SCN10A: variants seen among roughly 807,000 people sequenced by gnomAD.
The protein encoded by SCN10A is sodium voltage-gated channel alpha subunit 10.
In SCN10A, 162 loss-of-function variants were observed where a neutral mutation model predicts 170.7. That is an observed-to-expected ratio of 0.95 (90% CI 0.84 to 1.08). SCN10A has a LOEUF of 1.08. Among genes scored for constraint, SCN10A ranks in the 50% least tolerant of loss-of-function variants. SCN10A has a pLI of 0.00. For missense variants in SCN10A, 2,527 were observed against 2,436.9 expected, an observed-to-expected ratio of 1.04 and a Z score of -0.78; for synonymous variants, 985 against 904.6, an observed-to-expected ratio of 1.09 and a Z score of -1.59.
intron 12 of SCN10A, 93 bp from the exon 13 acceptor site, chr3:38,750,277 A>G (rs1470065979): frequency 1.5e-6 from 1 of 654,820 alleles, no homozygotes; most frequent in East Asian, 2.7e-5. Flanking sequence ...CCAATCTCAT[A>G]TATAGTCATA....
At chr3:38,714,112 T>G (rs1269014255) in intron 21 of SCN10A, 32 bp from the exon 22 acceptor site, 1 of 1,608,786 alleles carries the variant, frequency 6.2e-7, no homozygotes, top group African/African-American at 1.3e-5. Context: ...AACATCACTC[T>G]AGGTTTCCAG....
At chr3:38,756,093 G>A in intron 10 of SCN10A, 135 bp from the exon 11 acceptor site, 1 of 909,304 alleles carries the variant, frequency 1.1e-6, no homozygotes, top group South Asian at 1.6e-5. Context: ...GGGTGGTGGT[G>A]GGATTAGGCC....
chr3:38,804,915 A>T (rs2064396270), intron 1 of SCN10A, among the ~76,000 whole-genome samples: 1 of 152,166 alleles, frequency 6.6e-6, no homozygotes, highest in Non-Finnish European at 1.5e-5. Flanking sequence ...AGTGTCATAG[A>T]AACAGCAGAA....
intron 4 of SCN10A, among the ~76,000 whole-genome samples, chr3:38,772,297 C>T (rs1254912687): frequency 7.4e-6 from 1 of 135,278 alleles, no homozygotes; most frequent in Non-Finnish European, 1.6e-5. Context: ...CTTCTAACAC[C>T]AGAAACCAAA....
chr3:38,709,493 A>T lies in SCN10A; in HGVS notation c.4266T>A (p.Asn1422Lys), dbSNP rs1334461772. ...CACCACTTATCTTTTTTTTCTGTTGATTGAAGTTGTCAATTATGACCCCAA... is the reference window on the plus strand; with the variant it reads ...CACCACTTATCTTTTTTTTCTGTTGTTTGAAGTTGTCAATTATGACCCCAA... ...LFVGVIIDNF[N>K]QQKKKLGGQD... The change falls in exon 25 of 28, where the codon AAT becomes AAA. Residue 1422 changes from asparagine (N) to lysine (K), a missense_variant. Asn to Lys is a moderately conservative substitution (Grantham distance 94, BLOSUM62 0). Coordinates refer to ENST00000449082, the MANE Select transcript of SCN10A (RefSeq NM_006514.4). 11 of 1,607,902 alleles carry T rather than the reference A, an allele frequency of 6.8e-6. No individual in the cohort carries two copies. Among genetic ancestry groups the T allele is most frequent in the African/African-American group, 4.0e-5 (3 of 74,334 alleles).
chr3:38,753,605 C>A (rs1159893548), intron 11 of SCN10A, among the ~76,000 whole-genome samples: 1 of 152,074 alleles, frequency 6.6e-6, no homozygotes, highest in Non-Finnish European at 1.5e-5. Context: ...GTAATACATG[C>A]CCAAGGACTA....
chr3:38,735,935 T>C (rs543133113), intron 15 of SCN10A, among the ~76,000 whole-genome samples: 132 of 152,314 alleles, frequency 8.7e-4, no homozygotes, highest in Non-Finnish European at 1.5e-3. Context: ...CAAGAAACTC[T>C]GGTTTTTGCC....
intron 18 of SCN10A, among the ~76,000 whole-genome samples, chr3:38,724,498 C>T (rs1207764586): frequency 2.0e-5 from 3 of 152,190 alleles, no homozygotes; most frequent in Non-Finnish European, 4.4e-5. Context: ...TTGTATAAGA[C>T]AATCCTAAAC....
At chr3:38,771,871 C>T (rs2064004163) in intron 4 of SCN10A, among the ~76,000 whole-genome samples, 1 of 152,180 alleles carries the variant, frequency 6.6e-6, no homozygotes, top group African/African-American at 2.4e-5. Flanking sequence ...AGAAGCAAGC[C>T]AAGCTATGCT....
At chr3:38,717,330 G>T (rs2063343551) in intron 21 of SCN10A, among the ~76,000 whole-genome samples, 1 of 152,204 alleles carries the variant, frequency 6.6e-6, no homozygotes, top group South Asian at 2.1e-4. Flanking sequence ...ATGGTTGGAA[G>T]GAAGAATCAG....
intron 14 of SCN10A, among the ~76,000 whole-genome samples, chr3:38,740,406 C>G (rs560600463): frequency 6.6e-6 from 1 of 152,338 alleles, no homozygotes; most frequent in South Asian, 2.1e-4. Context: ...TCCTTCATAT[C>G]TTTTTATCTG....
At position 38,788,993 on chromosome 3, in the gene SCN10A, C is replaced by G; in HGVS notation, c.433G>C (p.Val145Leu). The G allele has an allele frequency of 6.2e-7, 1 of 1,612,272 alleles. No individual in the cohort carries two copies. The highest frequency in any genetic ancestry group is 8.5e-7 in the Non-Finnish European group (1 of 1,178,596). Residue 145 changes from valine (V) to leucine (L), a missense_variant, in exon 4 of 28, where the codon GTG becomes CTG. Val to Leu is a conservative substitution (Grantham distance 32). Coordinates refer to ENST00000449082, the MANE Select transcript of SCN10A (RefSeq NM_006514.4). Reference protein sequence around the residue: ...FITVTILVNCVCMTRTDLPEK... With the variant: ...FITVTILVNCLCMTRTDLPEK... ...GGAAGGTCAGTTCGGGTCATGCACA[C>G]ACAATTAACCAAAATAGTGACCGTA...
chr3:38,729,269 A>G (rs2063490894), intron 15 of SCN10A, among the ~76,000 whole-genome samples: 1 of 152,120 alleles, frequency 6.6e-6, no homozygotes, highest in Non-Finnish European at 1.5e-5. Flanking sequence ...AATAAGTGAG[A>G]ACAAGCTTAT....
At chr3:38,727,115 C>T (rs2063466567) in intron 16 of SCN10A, 63 bp from the exon 17 acceptor site, 2 of 1,495,142 alleles carry the variant, frequency 1.3e-6, no homozygotes, top group Non-Finnish European at 1.8e-6. Context: ...CATTGGCCTA[C>T]CGGGTTAGCA....
chr3:38,739,800 G>C, intron 14 of SCN10A, 112 bp from the exon 15 acceptor site: 1 of 885,928 alleles, frequency 1.1e-6, no homozygotes, highest in Admixed American at 2.5e-5. Context: ...CTTTTGTTTT[G>C]TTCAGTTGCT....
intron 3 of SCN10A, among the ~76,000 whole-genome samples, chr3:38,789,975 CAGA>C (rs1559466838): frequency 6.6e-6 from 1 of 152,104 alleles, no homozygotes; most frequent in Non-Finnish European, 1.5e-5. Flanking sequence ...TCAATTTGAG[CAGA>C]AGTATTTAAA....
rs371331011 is a variant in SCN10A at position 38,725,308 on chromosome 3, G to A, written c.3094C>T (p.Gln1032Ter). The change falls in exon 18 of 28, where the codon CAG becomes TAG. Residue 1032 changes from glutamine (Q) to a stop codon, truncating the protein, a stop_gained. Transcript: ENST00000449082. LOFTEE classifies it high-confidence loss of function. Reference protein sequence around the residue: ...QEVIPKGQQEQLQQVERCGDH... With the variant: ...QEVIPKGQQE ...CCACACCTCTCGACTTGCTGCAGCT[G>A]CTCCTGCTAGTGAGAGAGGGTCCCA... 3.2e-6 allele frequency: 5 copies of A among 1,576,762 alleles called. No individual in the cohort carries two copies. Among genetic ancestry groups the A allele is most frequent in the Non-Finnish European group, 4.3e-6 (5 of 1,151,490 alleles).
rs986770847 is a variant in SCN10A, at chr3:38,707,247, A to G, written c.4386+32T>C. The G allele has an allele frequency of 1.9e-6, 3 of 1,606,256 alleles. No individual in the cohort carries two copies. The African/African-American group carries it at 4.0e-5, about 21-fold the overall frequency. On this transcript the variant is annotated intron_variant, in intron 26 of 27. Transcript: ENST00000449082. ...AGACTGTCATGTTGGATTCACAGAC[A>G]GGCTGTGCTAGAGGAAACCTCTGGG...
intron 8 of SCN10A, among the ~76,000 whole-genome samples, chr3:38,758,012 T>C (rs2063829021): frequency 6.6e-6 from 1 of 152,344 alleles, no homozygotes; most frequent in South Asian, 2.1e-4. Flanking sequence ...AAGTCCAGAA[T>C]TATTTTTTTA....
Sources: allele counts gnomAD v4.1 joint callset (sites outside exome capture counted in the v4.1 genomes callset), GRCh38; gene constraint gnomAD v4.1.1; transcripts MANE v1.5; gene names NCBI Gene and HGNC (gene_info 2026-07-23, HGNC 2026-07-21).